The following IQSEC1 variants were observed in gnomAD, a reference collection of about 807,000 sequenced individuals.
IQSEC1 encodes IQ motif and SEC7 domain-containing protein 1.
IQSEC1 carries 31 observed loss-of-function variants against 91.0 expected under a neutral mutation model. That is an observed-to-expected ratio of 0.34 (90% CI 0.26 to 0.46). The LOEUF (loss-of-function observed/expected upper bound fraction) is 0.46, where lower values mean the gene tolerates loss of function less well. IQSEC1 is among the 20% of genes least tolerant of loss of function. The pLI is 1.00. For missense variants in IQSEC1, 1,388 were observed against 1,575.6 expected, an observed-to-expected ratio of 0.88 and a Z score of 2.02; for synonymous variants, 699 against 662.6, an observed-to-expected ratio of 1.05 and a Z score of -0.84.
At chr3:13,262,363 G>C (rs966652212) in intron 1 of IQSEC1, among the ~76,000 whole-genome samples, 1 of 152,210 alleles carries the variant, frequency 6.6e-6, no homozygotes, top group Non-Finnish European at 1.5e-5. Flanking sequence ...GTCCCTCTTA[G>C]GGTAGGAGCC....
At chr3:13,064,186 T>C (rs1429724987) in intron 1 of IQSEC1, among the ~76,000 whole-genome samples, 3 of 152,148 alleles carry the variant, frequency 2.0e-5, no homozygotes, top group Admixed American at 6.5e-5. Flanking sequence ...TACGCCTGCA[T>C]AGAACTAAAC....
chr3:13,136,464 T>A (rs186323335), intron 2 of IQSEC1, among the ~76,000 whole-genome samples: 1 of 152,098 alleles, frequency 6.6e-6, no homozygotes. Context: ...AGCATTCCTA[T>A]TTACCAGACA....
intron 1 of IQSEC1, among the ~76,000 whole-genome samples, chr3:13,010,384 C>A (rs1436256989): frequency 6.6e-6 from 1 of 152,152 alleles, no homozygotes; most frequent in African/African-American, 2.4e-5. Flanking sequence ...AGTAGTTCAT[C>A]CCCCCTGCTC....
At chr3:13,166,566 A>G (rs1693501357) in intron 1 of IQSEC1, among the ~76,000 whole-genome samples, 1 of 152,144 alleles carries the variant, frequency 6.6e-6, no homozygotes. Context: ...CAGTTTCCTC[A>G]TTTGCGGATT....
chr3:13,208,830 T>C (rs1436876018), intron 1 of IQSEC1, among the ~76,000 whole-genome samples: 2 of 152,232 alleles, frequency 1.3e-5, no homozygotes, highest in East Asian at 3.9e-4. Flanking sequence ...GCTCGCAGCA[T>C]GCACCCCTGC....
rs934226297 is a variant in IQSEC1, at chr3:13,206,466, ATT to A, written c.273-42335_273-42334del. ...CGATATGCCCATCAGAGTGGCTAAA[ATT>A]AACAAGACTGAAAACACCAAATGAA... On this transcript the variant is annotated intron_variant, in intron 1 of 15. Coordinates refer to the IQSEC1 transcript ENST00000648114. 4.7e-4 allele frequency among the ~76,000 whole-genome samples: 72 copies of A among 152,342 alleles called. 1 individual carries two copies. The highest frequency in any genetic ancestry group is 1.6e-3 in the African/African-American group (66 of 41,574).
At chr3:13,249,697 T>G (rs1019552849) in intron 1 of IQSEC1, among the ~76,000 whole-genome samples, 1 of 152,076 alleles carries the variant, frequency 6.6e-6, no homozygotes, top group African/African-American at 2.4e-5. Context: ...TCTCCTCTTC[T>G]GAAAAACGAG....
Position 12,899,222 on chromosome 3 carries a change from A to G in IQSEC1, c.*1761T>C, listed in dbSNP as rs1429934734. ...TGGCCAGCCAGCCAGCCAAGGTGAC[A>G]CACAGCCAGAGGGGGCTCCCCTCTC... On this transcript the variant is annotated 3_prime_UTR_variant, in exon 14 of 14. Coordinates refer to ENST00000613206, the MANE Select transcript of IQSEC1 (RefSeq NM_001134382.3). 4 of 706,102 alleles carry G rather than the reference A, an allele frequency of 5.7e-6. No homozygotes were observed. Among genetic ancestry groups the G allele is most frequent in the Non-Finnish European group, 9.4e-6 (4 of 423,916 alleles). 43.7% of individuals were successfully genotyped at this position (706,102 alleles called of 1,614,324 possible). A position where few individuals can be genotyped will look rare whatever the true frequency, so the allele number is the denominator to read the frequency against.
Position 12,924,854 on chromosome 3 carries a change from C to T in IQSEC1, c.1569-112G>A. The T allele has an allele frequency of 6.0e-6, 6 of 1,008,296 alleles. No individual in the cohort carries two copies. Among genetic ancestry groups the T allele is most frequent in the Non-Finnish European group, 8.5e-6 (6 of 702,184 alleles). 62.5% of individuals were successfully genotyped at this position (1,008,296 alleles called of 1,614,324 possible). The stretch of plus-strand genomic sequence containing the variant: ...GACATTCTCCCTCCCTGCCCACCTG[C>T]ACCGGCCTTCATCCCTGTAGGCATT... On this transcript the variant is annotated intron_variant, in intron 3 of 13. Coordinates refer to ENST00000613206, the MANE Select transcript of IQSEC1 (RefSeq NM_001134382.3). This position sits in a 1 kb window ranked among gnomAD's most constrained non-coding sequence, Gnocchi z 6.3.
intron 3 of IQSEC1, among the ~76,000 whole-genome samples, chr3:12,934,501 C>T (rs1389494355): frequency 6.6e-6 from 1 of 152,166 alleles, no homozygotes; most frequent in Non-Finnish European, 1.5e-5. Flanking sequence ...CCATTCATCA[C>T]CCTAGTTTGA....
intron 1 of IQSEC1, among the ~76,000 whole-genome samples, chr3:13,260,120 G>T (rs988961381): frequency 3.3e-5 from 5 of 152,184 alleles, no homozygotes; most frequent in Non-Finnish European, 7.3e-5. Context: ...GGGGGAAGGA[G>T]GATGAGAAAA....
At chr3:13,024,689 T>C (rs1703546178) in intron 1 of IQSEC1, among the ~76,000 whole-genome samples, 1 of 146,532 alleles carries the variant, frequency 6.8e-6, no homozygotes, top group East Asian at 2.0e-4. Context: ...CATCTATCCA[T>C]CCATCTACCC....
intron 1 of IQSEC1, among the ~76,000 whole-genome samples, chr3:13,254,375 C>T (rs1049059022): frequency 2.0e-5 from 3 of 152,246 alleles, no homozygotes; most frequent in Admixed American, 6.5e-5. Context: ...TGAACACACC[C>T]GGCCCATCAG....
chr3:13,251,472 G>C (rs1231597674), intron 1 of IQSEC1, among the ~76,000 whole-genome samples: 2 of 152,196 alleles, frequency 1.3e-5, no homozygotes, highest in African/African-American at 4.8e-5. Flanking sequence ...AATGAATAGT[G>C]TTTGCTGAAA....
At chr3:13,188,749 C>T (rs1210016077) in intron 1 of IQSEC1, among the ~76,000 whole-genome samples, 2 of 152,198 alleles carry the variant, frequency 1.3e-5, no homozygotes, top group Non-Finnish European at 2.9e-5. Context: ...GCTGTCAGAC[C>T]ACTGCAAGCC....
intron 1 of IQSEC1, among the ~76,000 whole-genome samples, chr3:13,005,813 G>A (rs1015234027): frequency 1.3e-5 from 2 of 152,152 alleles, no homozygotes; most frequent in Admixed American, 6.5e-5. Flanking sequence ...TCCCTTCTCA[G>A]CAAGGATTTG....
intron 2 of IQSEC1, among the ~76,000 whole-genome samples, chr3:13,142,020 C>G (rs1353425861): frequency 6.6e-6 from 1 of 152,186 alleles, no homozygotes; most frequent in African/African-American, 2.4e-5. Flanking sequence ...TAGAAGGGCC[C>G]AGATCCTCCC....
At chr3:13,017,415 T>C (rs1172665239) in intron 1 of IQSEC1, among the ~76,000 whole-genome samples, 3 of 152,194 alleles carry the variant, frequency 2.0e-5, no homozygotes, top group Non-Finnish European at 4.4e-5. Context: ...AGAAAGCCTC[T>C]TCCCATGTGT....
Position 12,899,521 on chromosome 3 carries a change from C to T in IQSEC1, c.*1462G>A. 1 of 1,541,110 alleles carries T rather than the reference C, an allele frequency of 6.5e-7. No homozygotes were observed. Among genetic ancestry groups the T allele is most frequent in the Non-Finnish European group, 8.8e-7 (1 of 1,137,676 alleles). On this transcript the variant is annotated 3_prime_UTR_variant, in exon 14 of 14. Coordinates refer to ENST00000613206, the MANE Select transcript of IQSEC1 (RefSeq NM_001134382.3). Reference sequence around the variant, plus strand: ...GGGAGCGCATGGTGTCACCACAACACAGAAGCGACAAGAGCACAGCTGAGA... The same window carrying T: ...GGGAGCGCATGGTGTCACCACAACATAGAAGCGACAAGAGCACAGCTGAGA...
Sources: allele counts gnomAD v4.1 joint callset (sites outside exome capture counted in the v4.1 genomes callset), GRCh38; gene constraint gnomAD v4.1.1; non-coding constraint Gnocchi (gnomAD v3.1); transcripts MANE v1.5; gene names NCBI Gene and HGNC (gene_info 2026-07-23, HGNC 2026-07-21).